The following MICAL2 variants were observed in gnomAD, a reference collection of about 807,000 sequenced individuals.
MICAL2 encodes microtubule associated monooxygenase, calponin and LIM domain containing 2.
A neutral mutation model predicts 127.3 loss-of-function variants in MICAL2; 77 were observed. The ratio of observed to expected loss-of-function variants is 0.60; its 90% CI spans 0.50 to 0.73. The LOEUF is 0.73. Ranked by LOEUF, MICAL2 falls within the 30% of genes least tolerant of loss-of-function variation. The pLI is 0.00. For missense variants in MICAL2, 1,351 were observed against 1,434.4 expected (o/e 0.94, Z 0.94); for synonymous variants, 570 against 551.1 (o/e 1.03, Z -0.48).
intron 15 of MICAL2, among the ~76,000 whole-genome samples, chr11:12,227,519 GCT>G (rs1236033604): frequency 1.3e-5 from 2 of 152,198 alleles, no homozygotes; most frequent in Admixed American, 1.3e-4. Flanking sequence ...TGGTGATGAT[GCT>G]CTGTTTACAC....
chr11:12,285,067 T>C (rs1863810596), intron 2 of MICAL2, among the ~76,000 whole-genome samples: 2 of 152,102 alleles, frequency 1.3e-5, no homozygotes, highest in African/African-American at 2.4e-5. Flanking sequence ...GGGATCAGGA[T>C]TTTTAAAGAT....
At chr11:12,262,777 C>T in intron 27 of MICAL2, 1 of 482,488 alleles carries the variant, frequency 2.1e-6, no homozygotes, top group Non-Finnish European at 3.7e-6. Flanking sequence ...CATGCCCCGC[C>T]TCTCCTCTCT....
chr11:12,218,340 A>G (rs1856432026), intron 8 of MICAL2, among the ~76,000 whole-genome samples: 1 of 151,564 alleles, frequency 6.6e-6, no homozygotes, highest in South Asian at 2.1e-4. Context: ...TCTGCTCCCT[A>G]TGGTTTTGCT....
intron 2 of MICAL2, among the ~76,000 whole-genome samples, chr11:12,153,672 G>A (rs566188845): frequency 1.3e-5 from 2 of 152,214 alleles, no homozygotes; most frequent in African/African-American, 2.4e-5. Context: ...TCCTGACCTC[G>A]AGTCTGCACC....
chr11:12,201,455 T>C (rs1276679954), intron 3 of MICAL2, among the ~76,000 whole-genome samples: 1 of 151,478 alleles, frequency 6.6e-6, no homozygotes, highest in Non-Finnish European at 1.5e-5. Context: ...ACCAGATGCC[T>C]CTGCAATGTC....
chr11:12,192,172 GA>G (rs11316794), intron 3 of MICAL2, among the ~76,000 whole-genome samples: 79,900 of 151,842 alleles, frequency 0.53, 21,157 homozygotes, highest in East Asian at 0.6. Flanking sequence ...GCCCTTTATA[GA>G]AAAAAATGTG....
chr11:12,163,831 T>C (rs1855142392), intron 3 of MICAL2: 1 of 152,200 alleles, frequency 6.6e-6, no homozygotes, highest in African/African-American at 2.4e-5. Context: ...GGGAAGCTTT[T>C]AGCTTCCAAA....
intron 32 of MICAL2, chr11:12,349,787 A>T: frequency 6.4e-7 from 1 of 1,573,092 alleles, no homozygotes; most frequent in African/African-American, 1.3e-5. Flanking sequence ...CAGTTTGATC[A>T]TGGGGAGAGA....
chr11:12,165,946 C>T (rs1245537630), intron 3 of MICAL2, among the ~76,000 whole-genome samples: 5 of 152,122 alleles, frequency 3.3e-5, no homozygotes, highest in Non-Finnish European at 5.9e-5. Flanking sequence ...TTTCCCTGGG[C>T]GTGACTGTGT....
chr11:12,114,044 A>G (rs1310378162), intron 1 of MICAL2, among the ~76,000 whole-genome samples: 1 of 152,174 alleles, frequency 6.6e-6, no homozygotes, highest in Non-Finnish European at 1.5e-5. Context: ...ACCAGGATGT[A>G]TTGCAGTCCT....
At chr11:12,142,078 TC>T (rs1338053633) in intron 2 of MICAL2, among the ~76,000 whole-genome samples, 1 of 152,306 alleles carries the variant, frequency 6.6e-6, no homozygotes, top group East Asian at 1.9e-4. Flanking sequence ...GTCTCCTGAT[TC>T]CCAGCAAGTG....
At chr11:12,190,649 T>C (rs1433292525) in intron 3 of MICAL2, among the ~76,000 whole-genome samples, 3 of 152,248 alleles carry the variant, frequency 2.0e-5, no homozygotes, top group African/African-American at 7.2e-5. Flanking sequence ...GTCACATCAC[T>C]GCCTGTCAGC....
At chr11:12,188,673 G>A (rs1483690183) in intron 3 of MICAL2, among the ~76,000 whole-genome samples, 1 of 152,150 alleles carries the variant, frequency 6.6e-6, no homozygotes, top group Non-Finnish European at 1.5e-5. Context: ...TTAGGGCACA[G>A]TAGAAAGAGC....
chr11:12,267,670 C>T (rs891907013), downstream of MICAL2, among the ~76,000 whole-genome samples: 2 of 152,108 alleles, frequency 1.3e-5, no homozygotes, highest in Non-Finnish European at 2.9e-5. Flanking sequence ...GGAGTGATGT[C>T]AGCTCGCTGC....
At chr11:12,158,425 TGAG>T (rs541278373) in intron 2 of MICAL2, among the ~76,000 whole-genome samples, 68 of 151,946 alleles carry the variant, frequency 4.5e-4, no homozygotes, top group African/African-American at 1.6e-3. Context: ...CCCCATGAAG[TGAG>T]GAGAACAGGT....
At chr11:12,149,905 A>G (rs1590081073) in intron 2 of MICAL2, among the ~76,000 whole-genome samples, 1 of 152,202 alleles carries the variant, frequency 6.6e-6, no homozygotes, top group Admixed American at 6.5e-5. Context: ...GAAGACCAGA[A>G]CCTTCATTTT....
intron 1 of MICAL2, among the ~76,000 whole-genome samples, chr11:12,133,449 A>T (rs11022191): frequency 0.19 from 29,276 of 152,122 alleles, 3,404 homozygotes; most frequent in South Asian, 0.34. Context: ...AAGGGAATTA[A>T]AACCATGCTA....
intron 6 of MICAL2, among the ~76,000 whole-genome samples, chr11:12,211,034 T>G (rs1056947861): frequency 2.0e-5 from 3 of 152,208 alleles, no homozygotes; most frequent in African/African-American, 7.2e-5. Flanking sequence ...TTCTGACCCT[T>G]TTGACAAAGG....
chr11:12,292,175 C>A, downstream of MICAL2: 3 of 1,614,062 alleles, frequency 1.9e-6, no homozygotes, highest in South Asian at 1.1e-5. Context: ...AACTATGTCA[C>A]CTCCTAAGGA....
Sources: allele counts gnomAD v4.1 joint callset (sites outside exome capture counted in the v4.1 genomes callset), GRCh38; gene constraint gnomAD v4.1.1; transcripts MANE v1.5; gene names NCBI Gene and HGNC (gene_info 2026-07-23, HGNC 2026-07-21).